Variants in OSBPL6 observed in about 807,000 individuals in gnomAD.
The protein encoded by OSBPL6 is oxysterol binding protein like 6.
OSBPL6 carries 49 observed loss-of-function variants against 125.8 expected under a neutral mutation model. That is an observed-to-expected ratio of 0.39 (90% CI 0.31 to 0.49). OSBPL6 has a LOEUF of 0.49. OSBPL6 is among the 20% of genes least tolerant of loss of function. The pLI, the probability that OSBPL6 is intolerant of heterozygous loss-of-function variation, is 0.88. For missense variants in OSBPL6, 986 were observed against 1,135.4 expected, an observed-to-expected ratio of 0.87 and a Z score of 1.89; for synonymous variants, 394 against 391.8, an observed-to-expected ratio of 1.01 and a Z score of -0.07.
At chr2:178,244,627 A>G (rs2091424564) in intron 1 of OSBPL6, among the ~76,000 whole-genome samples, 1 of 152,184 alleles carries the variant, frequency 6.6e-6, no homozygotes, top group Non-Finnish European at 1.5e-5. Context: ...AAGGCATTTG[A>G]TAGATATGCT....
intron 13 of OSBPL6, among the ~76,000 whole-genome samples, chr2:178,371,807 A>G (rs1048963056): frequency 1.3e-5 from 2 of 152,202 alleles, no homozygotes; most frequent in African/African-American, 4.8e-5. Flanking sequence ...AAAGTAATAT[A>G]TATGTAGTGG....
At chr2:178,346,618 G>C (rs1441361235) in intron 11 of OSBPL6, among the ~76,000 whole-genome samples, 1 of 152,164 alleles carries the variant, frequency 6.6e-6, no homozygotes, top group East Asian at 1.9e-4. Flanking sequence ...ATTGAGTGTT[G>C]AGGGTTCTCA....
intron 1 of OSBPL6, among the ~76,000 whole-genome samples, chr2:178,255,964 A>G (rs1216159701): frequency 6.6e-6 from 1 of 152,210 alleles, no homozygotes; most frequent in East Asian, 1.9e-4. Flanking sequence ...TTTGACCTTG[A>G]TAACTGATTT....
At chr2:178,242,024 A>G (rs1477526559) in intron 1 of OSBPL6, among the ~76,000 whole-genome samples, 1 of 152,220 alleles carries the variant, frequency 6.6e-6, no homozygotes, top group Non-Finnish European at 1.5e-5. Context: ...AGGCTACACC[A>G]CCTAGATTTG....
chr2:178,379,882 T>A (rs1694301410), intron 15 of OSBPL6, among the ~76,000 whole-genome samples: 1 of 152,200 alleles, frequency 6.6e-6, no homozygotes. Flanking sequence ...CCATTATTCA[T>A]CCATGTGTGC....
At chr2:178,291,089 A>G (rs1685214206) in intron 2 of OSBPL6, among the ~76,000 whole-genome samples, 1 of 149,560 alleles carries the variant, frequency 6.7e-6, no homozygotes, top group Non-Finnish European at 1.5e-5. Flanking sequence ...TTACAGAATA[A>G]AGAGTTAACT....
At chr2:178,211,384 A>G (rs931712115) in intron 1 of OSBPL6, among the ~76,000 whole-genome samples, 23 of 152,128 alleles carry the variant, frequency 1.5e-4, no homozygotes, top group African/African-American at 5.6e-4. Flanking sequence ...GACTTTCAAT[A>G]TGGTTTCAGA....
chr2:178,290,889 A>G (rs1685194460), intron 2 of OSBPL6, among the ~76,000 whole-genome samples: 1 of 152,016 alleles, frequency 6.6e-6, no homozygotes, highest in Non-Finnish European at 1.5e-5. Context: ...GATTTTCCTG[A>G]GTTAACTTTA....
intron 4 of OSBPL6, among the ~76,000 whole-genome samples, chr2:178,324,929 A>G (rs894883455): frequency 1.3e-5 from 2 of 152,348 alleles, no homozygotes; most frequent in Middle Eastern, 3.4e-3. Flanking sequence ...GGACTGTTGT[A>G]TATTCTGGCT....
intron 3 of OSBPL6, among the ~76,000 whole-genome samples, chr2:178,316,623 G>A (rs556941563): frequency 6.6e-6 from 1 of 152,232 alleles, no homozygotes; most frequent in East Asian, 1.9e-4. Context: ...AACTGCCGTG[G>A]ATTGAAAATA....
At chr2:178,376,520 C>T (rs1473441246) in intron 15 of OSBPL6, among the ~76,000 whole-genome samples, 1 of 152,150 alleles carries the variant, frequency 6.6e-6, no homozygotes, top group Non-Finnish European at 1.5e-5. Flanking sequence ...AGTCTCATAA[C>T]TTTTCCAGTC....
At chr2:178,374,399 C>T (rs1275606355) in intron 15 of OSBPL6, among the ~76,000 whole-genome samples, 3 of 152,150 alleles carry the variant, frequency 2.0e-5, no homozygotes, top group Admixed American at 6.5e-5. Context: ...ACCGTTCATG[C>T]GCATACACAG....
At chr2:178,353,761 C>T (rs2154092754) in intron 12 of OSBPL6, among the ~76,000 whole-genome samples, 1 of 152,264 alleles carries the variant, frequency 6.6e-6, no homozygotes, top group South Asian at 2.1e-4. Context: ...AGATACTCCT[C>T]AACAAGAGCA....
intron 11 of OSBPL6, among the ~76,000 whole-genome samples, chr2:178,346,487 A>G (rs754973762): frequency 7.2e-5 from 11 of 152,182 alleles, no homozygotes; most frequent in Non-Finnish European, 1.5e-4. Flanking sequence ...AGCATCTCCT[A>G]ATGTCCCCAT....
chr2:178,280,580 G>A (rs954149086), intron 1 of OSBPL6, among the ~76,000 whole-genome samples: 1 of 152,174 alleles, frequency 6.6e-6, no homozygotes, highest in Non-Finnish European at 1.5e-5. Flanking sequence ...TCTGTTCTTT[G>A]ACATTTCATA....
chr2:178,243,720 C>T (rs1283332188), intron 1 of OSBPL6, among the ~76,000 whole-genome samples: 1 of 152,190 alleles, frequency 6.6e-6, no homozygotes, highest in Non-Finnish European at 1.5e-5. Context: ...ATGGCTCAGT[C>T]TCGGCTCACT....
chr2:178,306,912 G>T (rs1156797795), intron 3 of OSBPL6, among the ~76,000 whole-genome samples: 1 of 152,174 alleles, frequency 6.6e-6, no homozygotes, highest in Non-Finnish European at 1.5e-5. Context: ...TCTGCTGGCA[G>T]GGTTATGTGA....
At chr2:178,288,681 T>C (rs574717263) in intron 2 of OSBPL6, among the ~76,000 whole-genome samples, 89 of 151,630 alleles carry the variant, frequency 5.9e-4, no homozygotes, top group Non-Finnish European at 1.0e-3. Context: ...GGAGTTTCGC[T>C]CTTGTTGCCT....
At chr2:178,305,636 C>A (rs1462413267) in intron 2 of OSBPL6, among the ~76,000 whole-genome samples, 1 of 152,218 alleles carries the variant, frequency 6.6e-6, no homozygotes, top group African/African-American at 2.4e-5. Context: ...ACATACATGA[C>A]ATAGCTAAAC....
Sources: allele counts gnomAD v4.1 joint callset (sites outside exome capture counted in the v4.1 genomes callset), GRCh38; gene constraint gnomAD v4.1.1; transcripts MANE v1.5; gene names NCBI Gene and HGNC (gene_info 2026-07-23, HGNC 2026-07-21).